Variants in RAB3GAP1 observed in about 807,000 individuals in gnomAD.
RAB3GAP1 encodes the protein RAB3 GTPase activating protein catalytic subunit 1.
A neutral mutation model predicts 130.7 loss-of-function variants in RAB3GAP1; 86 were observed. The ratio of observed to expected loss-of-function variants is 0.66; its 90% CI spans 0.55 to 0.79. RAB3GAP1 has a LOEUF of 0.79. Ranked by LOEUF, RAB3GAP1 falls within the 30% of genes least tolerant of loss-of-function variation. RAB3GAP1 has a pLI of 0.00. For synonymous variants in RAB3GAP1, 367 were observed against 401.7 expected (o/e 0.91, Z 1.03); for missense variants, 1,029 against 1,169.4 (o/e 0.88, Z 1.75).
intron 3 of RAB3GAP1, among the ~76,000 whole-genome samples, chr2:135,068,345 CTAAA>C (rs887681611): frequency 1.3e-5 from 2 of 151,632 alleles, no homozygotes; most frequent in Admixed American, 1.3e-4. Flanking sequence ...AGCACAATAA[CTAAA>C]TTTGTGATAA....
At chr2:135,078,641 A>C in intron 3 of RAB3GAP1, among the ~76,000 whole-genome samples, 1 of 112,186 alleles carries the variant, frequency 8.9e-6, no homozygotes, top group South Asian at 3.4e-4. Context: ...ACTGGGCTAT[A>C]TTAGTCCCCT....
chr2:135,130,776 A>C lies in RAB3GAP1; in HGVS notation c.1236+55A>C, dbSNP rs545791706. 8.9e-5 allele frequency: 134 copies of C among 1,506,726 alleles called. 1 individual carries two copies. In the South Asian group the frequency reaches 1.4e-3, roughly 16 times the overall value. The allele number at this position is 1,506,726 out of a possible 1,614,324, so 93.3% of individuals were successfully genotyped here. ...ATATGCAGAATCATTTATTCATTATATAGCCAGTTCCTTTTATGTGGTAGG... is the reference window on the plus strand; with the variant it reads ...ATATGCAGAATCATTTATTCATTATCTAGCCAGTTCCTTTTATGTGGTAGG... On this transcript the variant is annotated intron_variant, in intron 13 of 23. Coordinates refer to ENST00000264158, the MANE Select transcript of RAB3GAP1 (RefSeq NM_012233.3).
Position 135,164,606 on chromosome 2 carries a change from C to A in RAB3GAP1, c.2619C>A (p.Cys873Ter). 6.2e-7 allele frequency: 1 copy of A among 1,612,258 alleles called. No homozygotes were observed. Among genetic ancestry groups the A allele is most frequent in the Non-Finnish European group, 8.5e-7 (1 of 1,178,796 alleles). The change falls in exon 23 of 24, where the codon TGC (cysteine) becomes TGA (stop). Residue 873 changes from cysteine (C) to a stop codon, truncating the protein, a stop_gained. Coordinates refer to ENST00000264158, the MANE Select transcript of RAB3GAP1 (RefSeq NM_012233.3). LOFTEE classifies it high-confidence loss of function. ...CTCTGTCTCCTAGGTTTGTGAGTTG[C>A]CTGCTGGAGCAGCCTGAAGTGTTAG... is the stretch of plus-strand genomic sequence containing the variant. ...EKEDLERFVS[C>*]LLEQPEVLVT...
chr2:135,126,596 A>G lies in RAB3GAP1; in HGVS notation c.913A>G (p.Ile305Val), dbSNP rs116775947. Residue 305 changes from isoleucine (I) to valine (V), a missense_variant, in exon 11 of 24, where the codon ATT becomes GTT. Physicochemically the swap from Ile to Val is conservative, Grantham distance 29. Coordinates refer to ENST00000264158, the MANE Select transcript of RAB3GAP1 (RefSeq NM_012233.3). ...DNDVYSDLDPIQAPHWSVRVR... is the reference protein window; with the variant it reads ...DNDVYSDLDPVQAPHWSVRVR... ...TTTGCATTTTAGTGATTTGGATCCT[A>G]TTCAAGCTCCACATTGGTCTGTTAG... 7.6e-3 allele frequency: 12,277 copies of G among 1,612,244 alleles called. 84 individuals carry two copies. The highest frequency in any genetic ancestry group is 0.019 in the South Asian group (1,726 of 91,016).
At chr2:135,117,307 G>C (rs1026734747) in intron 7 of RAB3GAP1, among the ~76,000 whole-genome samples, 1 of 152,148 alleles carries the variant, frequency 6.6e-6, no homozygotes, top group African/African-American at 2.4e-5. Context: ...GTATTTATTA[G>C]TATCTTCTCC....
At chr2:135,174,998 C>T (rs933567483), downstream of RAB3GAP1, among the ~76,000 whole-genome samples, 5 of 152,176 alleles carry the variant, frequency 3.3e-5, no homozygotes, top group Admixed American at 1.3e-4. Flanking sequence ...CAGTGGACTC[C>T]GCAGCCTAGG....
At position 135,052,432 on chromosome 2, in the gene RAB3GAP1, C is replaced by CG; in HGVS notation, c.22dup (p.Glu8GlyfsTer6). ...TTCTCTCCTTCCCCTTCCCGCAGCC[C>CG]GAATCCGAGGTATTTGAGATCACGG... On this transcript the variant is annotated frameshift_variant, in exon 2 of 24. Coordinates refer to ENST00000264158, the MANE Select transcript of RAB3GAP1 (RefSeq NM_012233.3). LOFTEE classifies it high-confidence loss of function. The CG allele has an allele frequency of 6.2e-7, 1 of 1,614,094 alleles. No individual in the cohort carries two copies. Among genetic ancestry groups the CG allele is most frequent in the Non-Finnish European group, 8.5e-7 (1 of 1,180,040 alleles).
chr2:135,110,180 C>G (rs1690757145), intron 5 of RAB3GAP1, among the ~76,000 whole-genome samples: 1 of 151,848 alleles, frequency 6.6e-6, no homozygotes, highest in Admixed American at 6.6e-5. Context: ...GCTTCCCAGG[C>G]TGGAGTGCAG....
At chr2:135,110,616 T>C (rs1443474237) in intron 5 of RAB3GAP1, among the ~76,000 whole-genome samples, 1 of 152,218 alleles carries the variant, frequency 6.6e-6, no homozygotes, top group Non-Finnish European at 1.5e-5. Context: ...TGGCATTGTG[T>C]GTGTGTACAG....
At chr2:135,158,106 G>T (rs1692366177) in intron 19 of RAB3GAP1, among the ~76,000 whole-genome samples, 1 of 152,106 alleles carries the variant, frequency 6.6e-6, no homozygotes, top group African/African-American at 2.4e-5. Flanking sequence ...TTAAAATATG[G>T]ATAGGTATGT....
intron 5 of RAB3GAP1, among the ~76,000 whole-genome samples, chr2:135,106,391 C>G (rs1228813705): frequency 6.6e-6 from 1 of 152,188 alleles, no homozygotes; most frequent in Non-Finnish European, 1.5e-5. Context: ...ACATAGGAGA[C>G]TCCATTTTGT....
At chr2:135,080,080 G>T (rs1272954832) in intron 3 of RAB3GAP1, among the ~76,000 whole-genome samples, 1 of 135,786 alleles carries the variant, frequency 7.4e-6, no homozygotes, top group East Asian at 2.2e-4. Context: ...TCGCACCACA[G>T]CACTCCCGCC....
chr2:135,129,275 A>G (rs1691450541), intron 11 of RAB3GAP1, among the ~76,000 whole-genome samples: 1 of 151,778 alleles, frequency 6.6e-6, no homozygotes, highest in South Asian at 2.1e-4. Context: ...ACACAGTGAA[A>G]CCCCGTCTCT....
At chr2:135,059,848 A>T (rs925931006) in intron 3 of RAB3GAP1, among the ~76,000 whole-genome samples, 2 of 152,170 alleles carry the variant, frequency 1.3e-5, no homozygotes, top group African/African-American at 4.8e-5. Context: ...TAAATAAGAT[A>T]CAGAAAATAT....
intron 2 of RAB3GAP1, among the ~76,000 whole-genome samples, chr2:135,054,982 A>C (rs1688971166): frequency 6.6e-6 from 1 of 152,222 alleles, no homozygotes; most frequent in African/African-American, 2.4e-5. Flanking sequence ...AGAAGCCCAT[A>C]ACTCTTTTTA....
chr2:135,113,575 T>C (rs1690882287), intron 6 of RAB3GAP1, among the ~76,000 whole-genome samples: 2 of 152,256 alleles, frequency 1.3e-5, no homozygotes, highest in African/African-American at 4.8e-5. Context: ...GATCAGAGCA[T>C]GCACAAATGA....
chr2:135,150,547 A>G (rs1398077150), intron 18 of RAB3GAP1, 41 bp downstream of exon 18: 3 of 1,612,108 alleles, frequency 1.9e-6, no homozygotes, highest in Admixed American at 1.7e-5. Flanking sequence ...ATTTTGAGCT[A>G]TTCTGGGATG....
At position 135,168,833 on chromosome 2, in the gene RAB3GAP1, G is replaced by C. The variant is rs899351769; in HGVS notation, c.*52G>C. ...TTCAGAGACAGTGCTGCCTCCTCCT[G>C]AGGGAGGGAAGGTACCAGGGAGAAC... On this transcript the variant is annotated 3_prime_UTR_variant, in exon 24 of 24. Transcript: ENST00000264158. 9.3e-6 allele frequency: 14 copies of C among 1,510,072 alleles called. No homozygotes were observed. Among genetic ancestry groups the C allele is most frequent in the Non-Finnish European group, 1.3e-5 (14 of 1,086,456 alleles). 93.5% of individuals were successfully genotyped at this position (1,510,072 alleles called of 1,614,324 possible). A position where few individuals can be genotyped will look rare whatever the true frequency, so the allele number is the denominator to read the frequency against.
chr2:135,144,665 G>A (rs905302726), intron 17 of RAB3GAP1, among the ~76,000 whole-genome samples: 4 of 152,220 alleles, frequency 2.6e-5, no homozygotes, highest in East Asian at 1.9e-4. Context: ...CTAGGCATTT[G>A]ACTTTTTGCT....
Sources: gnomAD v4.1 joint callset for allele counts (sites outside exome capture counted in the v4.1 genomes callset) on GRCh38, gnomAD v4.1.1 for gene constraint, MANE v1.5 for transcripts, NCBI Gene and HGNC (gene_info 2026-07-23, HGNC 2026-07-21) for gene names.